Variants in RBFOX3 observed in about 807,000 individuals in gnomAD.
RBFOX3 encodes RNA binding fox-1 homolog 3, also known as RNA binding protein fox-1 homolog 3.
Under a neutral mutation model 48.7 loss-of-function variants are expected in RBFOX3, and 17 were observed. That is an observed-to-expected ratio of 0.35 (90% CI 0.24 to 0.52). RBFOX3 has a LOEUF of 0.52. Ranked by LOEUF, RBFOX3 falls within the 20% of genes least tolerant of loss-of-function variation. The probability of loss-of-function intolerance (pLI) is 0.94; values close to 1 mark genes in which losing one functional copy is unlikely to be tolerated. For synonymous variants in RBFOX3, 212 were observed against 209.5 expected (o/e 1.01, Z -0.10); for missense variants, 382 against 497.5 (o/e 0.77, Z 2.21).
intron 1 of RBFOX3, among the ~76,000 whole-genome samples, chr17:79,605,375 G>T (rs975631783): frequency 1.6e-4 from 25 of 152,182 alleles, no homozygotes; most frequent in Non-Finnish European, 2.4e-4. Flanking sequence ...GCCTGCAAAT[G>T]GGATTATTTT....
intron 2 of RBFOX3, among the ~76,000 whole-genome samples, chr17:79,383,926 A>C: frequency 6.6e-6 from 1 of 152,004 alleles, no homozygotes; most frequent in African/African-American, 2.4e-5. Flanking sequence ...GTGGCAAGGA[A>C]TGTCAGAGGG....
intron 3 of RBFOX3, among the ~76,000 whole-genome samples, chr17:79,292,612 A>G (rs982360018): frequency 2.9e-5 from 2 of 68,784 alleles, no homozygotes; most frequent in Non-Finnish European, 6.1e-5. Flanking sequence ...ACACACACAC[A>G]CACATACATG....
intron 1 of RBFOX3, chr17:79,599,006 C>A (rs2093639279): frequency 6.6e-6 from 1 of 152,148 alleles, no homozygotes; most frequent in African/African-American, 2.4e-5. Flanking sequence ...CTTCCACCCA[C>A]CCACAGAAGT....
chr17:79,364,691 C>T lies in RBFOX3; in HGVS notation c.-174-56867G>A, dbSNP rs1016856048. Among the ~76,000 whole-genome samples, 4 of 152,142 alleles carry T rather than the reference C, an allele frequency of 2.6e-5. No homozygotes were observed. Among genetic ancestry groups the T allele is most frequent in the Admixed American group, 6.5e-5 (1 of 15,276 alleles). On this transcript the variant is annotated intron_variant, in intron 2 of 14. Coordinates refer to ENST00000693108, the MANE Select transcript of RBFOX3 (RefSeq NM_001350451.2). The surrounding 1 kb of genome is among the most constrained non-coding windows in gnomAD (Gnocchi z 5.1). ...TTGCTTTCTGGTGGGGAAGCACGCT[C>T]TCCACTGATGGGGGACACCATATGG...
At chr17:79,466,381 A>C (rs1164630547) in intron 2 of RBFOX3, among the ~76,000 whole-genome samples, 1 of 152,198 alleles carries the variant, frequency 6.6e-6, no homozygotes, top group Non-Finnish European at 1.5e-5. Flanking sequence ...TGGGTGACCC[A>C]GGATGGAGAA....
chr17:79,330,551 T>G (rs1331419370), intron 2 of RBFOX3, among the ~76,000 whole-genome samples: 4 of 129,342 alleles, frequency 3.1e-5, no homozygotes, highest in Non-Finnish European at 6.5e-5. Flanking sequence ...TTCTCCGTTT[T>G]ACAGAGGCGG....
intron 2 of RBFOX3, among the ~76,000 whole-genome samples, chr17:79,338,466 G>A (rs956647959): frequency 7.2e-5 from 11 of 152,198 alleles, no homozygotes; most frequent in African/African-American, 2.7e-4. Context: ...TGATGCTGGT[G>A]AGATGGGAAG....
Position 79,205,905 on chromosome 17 carries a change from T to C in RBFOX3, c.-34+29861A>G, listed in dbSNP as rs2057419906. Among the ~76,000 whole-genome samples, 1 of 152,006 alleles carries C rather than the reference T, an allele frequency of 6.6e-6. No individual in the cohort carries two copies. Among genetic ancestry groups the C allele is most frequent in the African/African-American group, 2.4e-5 (1 of 41,368 alleles). On this transcript the variant is annotated intron_variant, in intron 4 of 14. Transcript: ENST00000693108. The surrounding 1 kb of genome is among the most constrained non-coding windows in gnomAD (Gnocchi z 4.5). Reference sequence around the variant, plus strand: ...GAAGGACAGCAATACACATTTCCTATCTTGCTGCAAGGCTGCAATCATTCT... The same window carrying C: ...GAAGGACAGCAATACACATTTCCTACCTTGCTGCAAGGCTGCAATCATTCT...
At chr17:79,645,034 G>A in the RBFOX3 span, among the ~76,000 whole-genome samples, 1 of 152,090 alleles carries the variant, frequency 6.6e-6, no homozygotes, top group Admixed American at 6.5e-5. Context: ...GTGTAATCTA[G>A]CAGTAAACTT....
intron 1 of RBFOX3, among the ~76,000 whole-genome samples, chr17:79,556,163 C>G (rs1028553269): frequency 1.6e-3 from 249 of 152,250 alleles, no homozygotes; most frequent in African/African-American, 5.7e-3. Flanking sequence ...GGTCTCACAC[C>G]TGCTACCAGC....
chr17:79,406,203 T>C (rs1440480644), intron 2 of RBFOX3, among the ~76,000 whole-genome samples: 1 of 152,230 alleles, frequency 6.6e-6, no homozygotes, highest in Non-Finnish European at 1.5e-5. Context: ...TTTCTCATTC[T>C]TTATGTTGCT....
intron 2 of RBFOX3, among the ~76,000 whole-genome samples, chr17:79,469,111 A>C (rs976497129): frequency 2.6e-5 from 4 of 151,964 alleles, no homozygotes; most frequent in Non-Finnish European, 5.9e-5. Flanking sequence ...ATAGATATGG[A>C]TATAGCTCCT....
intron 4 of RBFOX3, among the ~76,000 whole-genome samples, chr17:79,145,052 G>A (rs2042737745): frequency 1.3e-5 from 2 of 152,214 alleles, no homozygotes; most frequent in Admixed American, 1.3e-4. Context: ...ATCGCAGCAA[G>A]GTGGGGGCGG....
chr17:79,322,915 G>A (rs1356245826), intron 2 of RBFOX3, among the ~76,000 whole-genome samples: 1 of 152,232 alleles, frequency 6.6e-6, no homozygotes, highest in Admixed American at 6.5e-5. Flanking sequence ...AAAGCACCCA[G>A]ACAAGCGTAT....
At chr17:79,339,989 C>T (rs2146618004) in intron 2 of RBFOX3, among the ~76,000 whole-genome samples, 1 of 152,250 alleles carries the variant, frequency 6.6e-6, no homozygotes, top group East Asian at 1.9e-4. Flanking sequence ...GAGTCCTGTA[C>T]CCTACTGATG....
At chr17:79,091,016 T>G (rs2073781443) in intron 14 of RBFOX3, 131 bp from the exon 15 acceptor site, 188 of 888,406 alleles carry the variant, frequency 2.1e-4, no homozygotes, top group Non-Finnish European at 2.9e-4. Flanking sequence ...CCCCCCAGGT[T>G]TCCAGGACCC....
In RBFOX3 at chr17:79,423,845, C is replaced by A; in HGVS notation, c.-175+58609G>T. On this transcript the variant is annotated intron_variant, in intron 2 of 14. Coordinates refer to ENST00000693108, the MANE Select transcript of RBFOX3 (RefSeq NM_001350451.2). The surrounding 1 kb of genome is among the most constrained non-coding windows in gnomAD (Gnocchi z 4.9). Reference sequence around the variant, plus strand: ...ATCCCGGATGCCCAGTCCAGGCGCACACTCAGTCATGTGCTACCCAGAGCA... The same window carrying A: ...ATCCCGGATGCCCAGTCCAGGCGCAAACTCAGTCATGTGCTACCCAGAGCA... 1 of 153,968 alleles carries A rather than the reference C, an allele frequency of 6.5e-6. No homozygotes were observed. 9.5% of individuals were successfully genotyped at this position (153,968 alleles called of 1,614,324 possible).
intron 5 of RBFOX3, among the ~76,000 whole-genome samples, chr17:79,109,406 G>A (rs1023922437): frequency 6.6e-6 from 1 of 152,216 alleles, no homozygotes; most frequent in Non-Finnish European, 1.5e-5. Flanking sequence ...ACTCTGGCTC[G>A]ACAGGGGTAT....
In RBFOX3 at chr17:79,283,358, T is replaced by C. The variant is rs1362863741; in HGVS notation, c.-74+24366A>G. On this transcript the variant is annotated intron_variant, in intron 3 of 14. Coordinates refer to ENST00000693108, the MANE Select transcript of RBFOX3 (RefSeq NM_001350451.2). ...ATCTCGGCTCACTGCAACCTCTGCC[T>C]CCTGGGTTCAAGCAATTCTCCTGCC... Among the ~76,000 whole-genome samples the C allele has an allele frequency of 2.0e-5, 3 of 149,112 alleles. 1 individual carries two copies. Among genetic ancestry groups the C allele is most frequent in the African/African-American group, 7.4e-5 (3 of 40,612 alleles).
Sources: gnomAD v4.1 joint callset for allele counts (sites outside exome capture counted in the v4.1 genomes callset) on GRCh38, gnomAD v4.1.1 for gene constraint, Gnocchi (gnomAD v3.1) non-coding constraint, MANE v1.5 for transcripts, NCBI Gene and HGNC (gene_info 2026-07-23, HGNC 2026-07-21) for gene names.